Variants in OTOP3 observed in about 807,000 individuals in gnomAD.
OTOP3 encodes proton channel OTOP3.
OTOP3 carries 41 observed loss-of-function variants against 50.8 expected under a neutral mutation model. That is an observed-to-expected ratio of 0.81 (90% CI 0.63 to 1.05). The LOEUF is 1.05. Among genes scored for constraint, OTOP3 ranks in the 50% least tolerant of loss-of-function variants. The pLI, the probability that OTOP3 is intolerant of heterozygous loss-of-function variation, is 0.00. For synonymous variants in OTOP3, 320 were observed against 324.4 expected (o/e 0.99, Z 0.14); for missense variants, 788 against 760.8 (o/e 1.04, Z -0.42).
intron 1 of OTOP3, among the ~76,000 whole-genome samples, chr17:74,938,414 G>T (rs1161211285): frequency 6.6e-6 from 1 of 152,150 alleles, no homozygotes; most frequent in Non-Finnish European, 1.5e-5. Flanking sequence ...GGTGAGGTGG[G>T]AATGCTGACG....
intron 6 of OTOP3, among the ~76,000 whole-genome samples, chr17:74,948,768 GT>G (rs1182707325): frequency 6.6e-6 from 1 of 152,176 alleles, no homozygotes; most frequent in East Asian, 1.9e-4. Flanking sequence ...AGCCCGGGAG[GT>G]TGAGGCTGCA....
intron 1 of OTOP3, among the ~76,000 whole-genome samples, chr17:74,939,556 GC>G (rs1436366812): frequency 2.6e-5 from 4 of 152,176 alleles, no homozygotes; most frequent in African/African-American, 9.7e-5. Context: ...GGTGGGGAGA[GC>G]ATGCTGGACT....
At chr17:74,937,583 G>A (rs973735960) in intron 1 of OTOP3, among the ~76,000 whole-genome samples, 1 of 152,112 alleles carries the variant, frequency 6.6e-6, no homozygotes, top group African/African-American at 2.4e-5. Context: ...GCTTAGGAGG[G>A]AAAGATAAAG....
At chr17:74,935,817 C>G, upstream of OTOP3, 4 of 1,515,968 alleles carry the variant, frequency 2.6e-6, no homozygotes, top group Non-Finnish European at 3.6e-6. Context: ...CCGCGGAGCC[C>G]GAGCGGCGGC....
intron 5 of OTOP3, 92 bp downstream of exon 5, chr17:74,943,816 C>A: frequency 1.8e-6 from 2 of 1,100,494 alleles, no homozygotes; most frequent in Non-Finnish European, 2.7e-6. Context: ...CTCTCTAAAA[C>A]AGGTGAGGCT....
At position 74,942,818 on chromosome 17, in the gene OTOP3, G is replaced by A. The variant is rs1044018365; in HGVS notation, c.574-468G>A. On this transcript the variant is annotated intron_variant, in intron 3 of 6. Transcript: ENST00000328801. ...AAATTAGCTGGGCGTGGTGGCAGGC[G>A]CCTGTAGTCCCAGCTACTCAGGAGG... 1.1e-4 allele frequency among the ~76,000 whole-genome samples: 17 copies of A among 152,040 alleles called. No homozygotes were observed. In the South Asian group the frequency reaches 1.7e-3, roughly 15 times the overall value.
rs1347139503 is a variant in OTOP3, at chr17:74,949,481, G to A, written c.*65G>A. 5 of 1,561,676 alleles carry A rather than the reference G, an allele frequency of 3.2e-6. No homozygotes were observed. The highest frequency in any genetic ancestry group is 4.4e-6 in the Non-Finnish European group (5 of 1,149,334). ...GGGAAGATGGTAGCCCAGAGTCTCT[G>A]AGCAGATGCCTCATTCTGAGGTGCC... On this transcript the variant is annotated 3_prime_UTR_variant, in exon 7 of 7. Coordinates refer to ENST00000328801, the MANE Select transcript of OTOP3 (RefSeq NM_001272005.2).
At position 74,941,618 on chromosome 17, in the gene OTOP3, T is replaced by TCCTGGGTGGCGCC; in HGVS notation, c.246_258dup (p.Phe87ProfsTer20). On this transcript the variant is annotated frameshift_variant, in exon 2 of 7. Coordinates refer to ENST00000328801, the MANE Select transcript of OTOP3 (RefSeq NM_001272005.2). LOFTEE classifies it high-confidence loss of function. ...GGGCTCCTGGCCCTGAATGTGGTGT[T>TCCTGGGTGGCGCC]CCTGGGTGGCGCCTTCATCTGCAGC... 2 of 1,613,854 alleles carry TCCTGGGTGGCGCC rather than the reference T, an allele frequency of 1.2e-6. No individual in the cohort carries two copies. The highest frequency in any genetic ancestry group is 1.7e-6 in the Non-Finnish European group (2 of 1,179,824).
At chr17:74,948,730 T>C (rs1329001715) in intron 6 of OTOP3, among the ~76,000 whole-genome samples, 1 of 151,754 alleles carries the variant, frequency 6.6e-6, no homozygotes, top group Non-Finnish European at 1.5e-5. Flanking sequence ...CCCAGCTACT[T>C]GGGAGGCTGA....
intron 1 of OTOP3, among the ~76,000 whole-genome samples, chr17:74,938,713 T>C (rs1462750199): frequency 6.6e-6 from 1 of 152,112 alleles, no homozygotes; most frequent in Non-Finnish European, 1.5e-5. Context: ...CATACACCTC[T>C]CATTTTGAGA....
chr17:74,947,275 C>T lies in OTOP3; in HGVS notation c.1366C>T (p.Arg456Trp), dbSNP rs368282105. The change falls in exon 6 of 7, where the codon CGG becomes TGG. Residue 456 changes from arginine (R) to tryptophan (W), a missense_variant. Physicochemically the swap from Arg to Trp is moderately radical, Grantham distance 101. Transcript: ENST00000328801. ...CCTCTTCATCATCGAGGGCCTGCAC[C>T]GGCGCCCACTCTGGGAGACAGTTCC... Reference protein sequence around the residue: ...QNLFIIEGLHRRPLWETVPEG... With the variant: ...QNLFIIEGLHWRPLWETVPEG... 127 of 1,613,510 alleles carry T rather than the reference C, an allele frequency of 7.9e-5. No homozygotes were observed. The highest frequency in any genetic ancestry group is 4.3e-4 in the African/African-American group (32 of 75,046).
intron 5 of OTOP3, 132 bp from the exon 6 acceptor site, chr17:74,946,529 A>G (rs1037336335): frequency 1.1e-5 from 8 of 721,572 alleles, no homozygotes; most frequent in East Asian, 2.7e-5. Flanking sequence ...CAGTTTCCAC[A>G]TTGGTAAAAT....
chr17:74,936,670 G>T (rs1297430430), intron 1 of OTOP3, among the ~76,000 whole-genome samples: 2 of 152,190 alleles, frequency 1.3e-5, no homozygotes, highest in Non-Finnish European at 2.9e-5. Flanking sequence ...GGAGACGGGG[G>T]ATACTGTCAG....
chr17:74,946,279 T>C (rs2039223667), intron 5 of OTOP3, among the ~76,000 whole-genome samples: 1 of 152,024 alleles, frequency 6.6e-6, no homozygotes, highest in Non-Finnish European at 1.5e-5. Flanking sequence ...CACCTGGCCA[T>C]GTTTTTTATT....
chr17:74,948,398 C>T (rs992110102), intron 6 of OTOP3, among the ~76,000 whole-genome samples: 12 of 152,296 alleles, frequency 7.9e-5, no homozygotes, highest in Middle Eastern at 3.4e-3. Flanking sequence ...CGGTGGCTCA[C>T]GCCTGTAAGC....
chr17:74,947,426 G>A lies in OTOP3; in HGVS notation c.1517G>A (p.Arg506Gln), dbSNP rs62638689. ...TCCTACAGCCACCTCAACTGGAAGC[G>A]GAGGGCACTCAAGGAGATCTCACTC... ...IHSYSHLNWK[R>Q]RALKEISLFL... Residue 506 changes from arginine to glutamine, a missense_variant, in exon 6 of 7, where the codon CGG (arginine) becomes CAG (glutamine). Coordinates refer to ENST00000328801, the MANE Select transcript of OTOP3 (RefSeq NM_001272005.2). 4,692 of 1,611,980 alleles carry A rather than the reference G, an allele frequency of 2.9e-3. 88 individuals carry two copies. In the African/African-American group the frequency reaches 0.042, roughly 15 times the overall value.
chr17:74,936,713 C>A (rs1351187612), intron 1 of OTOP3, among the ~76,000 whole-genome samples: 1 of 152,156 alleles, frequency 6.6e-6, no homozygotes. Context: ...AACCTGGAAC[C>A]TTGTCCCCCA....
At chr17:74,939,980 C>A (rs1289401821) in intron 1 of OTOP3, among the ~76,000 whole-genome samples, 1 of 151,916 alleles carries the variant, frequency 6.6e-6, no homozygotes. Flanking sequence ...CCAATCATAG[C>A]TCACTGCAAC....
chr17:74,939,352 G>A (rs1466111511), intron 1 of OTOP3, among the ~76,000 whole-genome samples: 1 of 152,120 alleles, frequency 6.6e-6, no homozygotes, highest in African/African-American at 2.4e-5. Context: ...GAGAATGGGA[G>A]CAATGAGCAC....
Sources: gnomAD v4.1 joint callset for allele counts (sites outside exome capture counted in the v4.1 genomes callset) on GRCh38, gnomAD v4.1.1 for gene constraint, MANE v1.5 for transcripts, NCBI Gene and HGNC (gene_info 2026-07-23, HGNC 2026-07-21) for gene names.